Variants in AGAP1 observed in about 807,000 individuals in gnomAD.
The protein encoded by AGAP1 is arf-GAP with GTPase, ANK repeat and PH domain-containing protein 1.
AGAP1 carries 29 observed loss-of-function variants against 105.3 expected under a neutral mutation model. The ratio of observed to expected loss-of-function variants is 0.28; its 90% confidence interval spans 0.21 to 0.38. AGAP1 has a LOEUF of 0.38. Among genes scored for constraint, AGAP1 ranks in the 10% least tolerant of loss-of-function variants. The pLI is 1.00. For synonymous variants in AGAP1, 509 were observed against 485.9 expected (o/e 1.05, Z -0.63); for missense variants, 998 against 1,165.1 (o/e 0.86, Z 2.09).
chr2:235,897,093 T>G (rs2050842554), intron 10 of AGAP1, among the ~76,000 whole-genome samples: 1 of 152,176 alleles, frequency 6.6e-6, no homozygotes, highest in South Asian at 2.1e-4. Context: ...GTTTTATTTG[T>G]TTTTTTGGAG....
intron 12 of AGAP1, among the ~76,000 whole-genome samples, chr2:235,933,721 CG>C (rs1321079181): frequency 6.6e-6 from 1 of 151,138 alleles, no homozygotes; most frequent in Non-Finnish European, 1.5e-5. Flanking sequence ...TTAGTAGAGA[CG>C]GGGTTTCACC....
chr2:235,996,501 T>C (rs115368283), intron 13 of AGAP1, among the ~76,000 whole-genome samples: 2,259 of 152,362 alleles, frequency 0.015, 61 homozygotes, highest in African/African-American at 0.051. Context: ...CCTTTTAATT[T>C]AAATGCCAAC....
chr2:235,947,524 ATGC>A lies in AGAP1; in HGVS notation c.1483+16606_1483+16608del, dbSNP rs2053552158. Reference sequence around the variant, plus strand: ...TTCCGTATTTTTGCAATTGCAAATTATGCTGCTATAAACATGCATGTGCAAGTG... The same window carrying A: ...TTCCGTATTTTTGCAATTGCAAATTATGCTATAAACATGCATGTGCAAGTG... On this transcript the variant is annotated intron_variant, in intron 12 of 17. Transcript: ENST00000304032. Among the ~76,000 whole-genome samples, 3 of 152,244 alleles carry A rather than the reference ATGC, an allele frequency of 2.0e-5. No individual in the cohort carries two copies. In the South Asian group the frequency reaches 6.2e-4, roughly 32 times the overall value.
intron 1 of AGAP1, among the ~76,000 whole-genome samples, chr2:235,503,026 A>T (rs1256832953): frequency 1.3e-5 from 2 of 152,164 alleles, no homozygotes; most frequent in Non-Finnish European, 2.9e-5. Flanking sequence ...AACATTTTTT[A>T]AAAAATTTAT....
intron 7 of AGAP1, among the ~76,000 whole-genome samples, chr2:235,798,720 C>CA (rs1957354753): frequency 6.6e-6 from 1 of 151,786 alleles, no homozygotes; most frequent in African/African-American, 2.4e-5. Flanking sequence ...TCTGTATCTA[C>CA]AAAAAAGAGA....
chr2:235,567,119 G>A (rs976602437), intron 1 of AGAP1, among the ~76,000 whole-genome samples: 1 of 152,236 alleles, frequency 6.6e-6, no homozygotes. Context: ...CTCTCCCACA[G>A]GTCTGTCCCC....
intron 6 of AGAP1, among the ~76,000 whole-genome samples, chr2:235,756,682 C>T (rs1464841278): frequency 6.6e-6 from 1 of 152,164 alleles, no homozygotes; most frequent in Non-Finnish European, 1.5e-5. Flanking sequence ...GAGCAGCTTG[C>T]AAGTGAGCAT....
Position 236,101,591 on chromosome 2 carries a change from G to T in AGAP1, c.2115-18601G>T, listed in dbSNP as rs2059346601. ...TTTAAAGGGCGTCGGTGCACGTACAGCGAGGGCTTACATCCACTTTACGGG... is the reference window on the plus strand; with the variant it reads ...TTTAAAGGGCGTCGGTGCACGTACATCGAGGGCTTACATCCACTTTACGGG... On this transcript the variant is annotated intron_variant, in intron 16 of 17. Coordinates refer to ENST00000304032, the MANE Select transcript of AGAP1 (RefSeq NM_001037131.3). The surrounding 1 kb of genome is among the most constrained non-coding windows in gnomAD (Gnocchi z 4.9). Among the ~76,000 whole-genome samples, 2 of 152,184 alleles carry T rather than the reference G, an allele frequency of 1.3e-5. No individual in the cohort carries two copies. The highest frequency in any genetic ancestry group is 4.1e-4 in the South Asian group (2 of 4,832).
chr2:235,886,316 T>C (rs956126542), intron 10 of AGAP1, among the ~76,000 whole-genome samples: 3 of 152,262 alleles, frequency 2.0e-5, no homozygotes, highest in Admixed American at 2.0e-4. Context: ...ATGATACATT[T>C]CCAGTCAACA....
At chr2:235,768,364 A>C (rs915633802) in intron 6 of AGAP1, among the ~76,000 whole-genome samples, 3 of 152,248 alleles carry the variant, frequency 2.0e-5, no homozygotes, top group East Asian at 3.8e-4. Context: ...CATTTTCTCT[A>C]TCAGAATATG....
intron 6 of AGAP1, among the ~76,000 whole-genome samples, chr2:235,778,607 C>T (rs1194330775): frequency 2.6e-5 from 4 of 152,144 alleles, no homozygotes. Context: ...GTTCTGAGGT[C>T]GGAATTCCCG....
At position 236,105,670 on chromosome 2, in the gene AGAP1, GT is replaced by G. The variant is rs2059469279; in HGVS notation, c.2115-14520del. Among the ~76,000 whole-genome samples the G allele has an allele frequency of 1.7e-5, 1 of 58,480 alleles. No homozygotes were observed. Among genetic ancestry groups the G allele is most frequent in the Non-Finnish European group, 4.5e-5 (1 of 22,202 alleles). The allele number at this position is 58,480 out of a possible 152,430, so 38.4% of individuals were successfully genotyped here. A position where few individuals can be genotyped will look rare whatever the true frequency, so the allele number is the denominator to read the frequency against. On this transcript the variant is annotated intron_variant, in intron 16 of 17. Transcript: ENST00000304032. This position sits in a 1 kb window ranked among gnomAD's most constrained non-coding sequence, Gnocchi z 4.2. ...TCCCGGGTTCACACCATTCTCCCGC[GT>G]TCACGCCATTCTCCCGCGTTCACGC... is the stretch of plus-strand genomic sequence containing the variant.
intron 6 of AGAP1, among the ~76,000 whole-genome samples, chr2:235,768,106 A>G (rs1014613177): frequency 6.6e-6 from 1 of 152,080 alleles, no homozygotes; most frequent in African/African-American, 2.4e-5. Flanking sequence ...TAGTTTTTGA[A>G]GGTTTTTTTC....
chr2:235,849,751 A>G (rs1410188937), intron 9 of AGAP1, among the ~76,000 whole-genome samples: 1 of 151,924 alleles, frequency 6.6e-6, no homozygotes, highest in Non-Finnish European at 1.5e-5. Flanking sequence ...GCAAGCCCTC[A>G]CTTCTCCAGG....
intron 1 of AGAP1, among the ~76,000 whole-genome samples, chr2:235,702,987 G>A (rs1216663800): frequency 1.5e-5 from 2 of 132,390 alleles, no homozygotes; most frequent in African/African-American, 5.6e-5. Flanking sequence ...GAGTGCAGTG[G>A]CGCAATCTCA....
intron 10 of AGAP1, among the ~76,000 whole-genome samples, chr2:235,890,131 A>G (rs2050463118): frequency 6.7e-6 from 1 of 149,978 alleles, no homozygotes; most frequent in Non-Finnish European, 1.5e-5. Context: ...CACAGGAGGA[A>G]GTGATGGTAG....
chr2:236,015,714 G>T (rs979968671), intron 13 of AGAP1, among the ~76,000 whole-genome samples: 1 of 152,054 alleles, frequency 6.6e-6, no homozygotes, highest in African/African-American at 2.4e-5. Context: ...TATAATAGGG[G>T]GACATTTTTT....
At chr2:235,822,138 C>T (rs545816909) in intron 9 of AGAP1, among the ~76,000 whole-genome samples, 53 of 152,218 alleles carry the variant, frequency 3.5e-4, no homozygotes, top group African/African-American at 1.2e-3. Context: ...TGAATGTCTT[C>T]GGGGAGATAC....
At chr2:235,825,382 T>A (rs1445019884) in intron 9 of AGAP1, among the ~76,000 whole-genome samples, 1 of 152,240 alleles carries the variant, frequency 6.6e-6, no homozygotes, top group Non-Finnish European at 1.5e-5. Context: ...TAATATCTTG[T>A]TGGCCGTGCT....
Sources: allele counts gnomAD v4.1 joint callset (sites outside exome capture counted in the v4.1 genomes callset), GRCh38; gene constraint gnomAD v4.1.1; non-coding constraint Gnocchi (gnomAD v3.1); transcripts MANE v1.5; gene names NCBI Gene and HGNC (gene_info 2026-07-23, HGNC 2026-07-21).